The following DYM variants were observed in gnomAD, a reference collection of about 807,000 sequenced individuals.
DYM encodes dyggve-Melchior-Clausen syndrome protein.
A neutral mutation model predicts 93.1 loss-of-function variants in DYM; 78 were observed. The observed-to-expected ratio is 0.84, with a 90% CI of 0.70 to 1.01. The LOEUF (loss-of-function observed/expected upper bound fraction) is 1.01, where lower values mean the gene tolerates loss of function less well. Among genes scored for constraint, DYM ranks in the 50% least tolerant of loss-of-function variants. The pLI is 0.00. For missense variants in DYM, 789 were observed against 845.0 expected (o/e 0.93, Z 0.82); for synonymous variants, 321 against 319.7 (o/e 1.00, Z -0.04).
intron 15 of DYM, among the ~76,000 whole-genome samples, chr18:49,151,116 G>C (rs1849175093): frequency 6.6e-6 from 1 of 152,060 alleles, no homozygotes; most frequent in Admixed American, 6.5e-5. Flanking sequence ...TTCTATCTCA[G>C]AAACTCAAAG....
At chr18:49,187,040 C>T (rs1198198059) in intron 14 of DYM, among the ~76,000 whole-genome samples, 8 of 151,672 alleles carry the variant, frequency 5.3e-5, no homozygotes, top group Admixed American at 6.6e-5. Flanking sequence ...CTGCCTCAGC[C>T]GTCCGAGTAG....
At chr18:49,260,923 C>G (rs2094479720) in intron 11 of DYM, among the ~76,000 whole-genome samples, 1 of 150,028 alleles carries the variant, frequency 6.7e-6, no homozygotes, top group Non-Finnish European at 1.5e-5. Context: ...AACACAGTAA[C>G]AGCAGGACAA....
chr18:49,286,348 T>C (rs2059661924), intron 9 of DYM, 86 bp downstream of exon 9: 7 of 1,454,978 alleles, frequency 4.8e-6, no homozygotes, highest in Non-Finnish European at 6.8e-6. Flanking sequence ...TGGACACTCA[T>C]CTCCAAAACT....
chr18:49,156,530 G>A (rs572438872), intron 15 of DYM, among the ~76,000 whole-genome samples: 51 of 152,024 alleles, frequency 3.4e-4, no homozygotes, highest in Admixed American at 5.9e-4. Flanking sequence ...TCAGGAGTTC[G>A]AGACCAGCCT....
At chr18:49,425,913 T>A (rs1427587498) in intron 2 of DYM, among the ~76,000 whole-genome samples, 2 of 151,898 alleles carry the variant, frequency 1.3e-5, no homozygotes, top group Non-Finnish European at 2.9e-5. Flanking sequence ...CTGGAGAGGA[T>A]GTGGAGAAAT....
At chr18:49,407,537 GAAGC>G (rs1338601423) in intron 2 of DYM, among the ~76,000 whole-genome samples, 4 of 152,152 alleles carry the variant, frequency 2.6e-5, no homozygotes, top group Non-Finnish European at 5.9e-5. Flanking sequence ...GGCAAGAGAA[GAAGC>G]AAGAGAGAGA....
intron 2 of DYM, among the ~76,000 whole-genome samples, chr18:49,422,147 A>G (rs1402915175): frequency 6.6e-6 from 1 of 152,198 alleles, no homozygotes; most frequent in African/African-American, 2.4e-5. Context: ...TTCAGGAAAT[A>G]CAGAGAACAC....
chr18:49,452,760 G>A (rs2082635367), intron 1 of DYM, among the ~76,000 whole-genome samples: 1 of 136,518 alleles, frequency 7.3e-6, no homozygotes, highest in East Asian at 2.1e-4. Flanking sequence ...GCGCGGGACT[G>A]GCAGGCAGCT....
chr18:49,207,245 C>T lies in DYM; in HGVS notation c.1625+2306G>A, dbSNP rs367817897. On this transcript the variant is annotated intron_variant, in intron 14 of 17. Transcript: ENST00000675505. Reference sequence around the variant, plus strand: ...GCTGTATTAATGAGGGTTAACAATGCGCCAGGCATGATATGCTATACGATG... The same window carrying T: ...GCTGTATTAATGAGGGTTAACAATGTGCCAGGCATGATATGCTATACGATG... Among the ~76,000 whole-genome samples the T allele has an allele frequency of 1.1e-4, 17 of 152,226 alleles. No homozygotes were observed. In the East Asian group the frequency reaches 1.9e-3, roughly 17 times the overall value.
intron 17 of DYM, among the ~76,000 whole-genome samples, chr18:49,045,810 G>C (rs757080883): frequency 4.6e-4 from 70 of 152,264 alleles, no homozygotes; most frequent in Non-Finnish European, 7.9e-4. Flanking sequence ...GGGGGTGGGG[G>C]AAGAGCACAC....
intron 13 of DYM, among the ~76,000 whole-genome samples, chr18:49,236,259 T>C (rs2035839388): frequency 6.6e-6 from 1 of 152,070 alleles, no homozygotes; most frequent in South Asian, 2.1e-4. Context: ...GATGGGCGGA[T>C]CACCAGATCA....
intron 16 of DYM, among the ~76,000 whole-genome samples, chr18:49,100,652 T>C (rs1356879349): frequency 6.6e-6 from 1 of 152,212 alleles, no homozygotes; most frequent in African/African-American, 2.4e-5. Flanking sequence ...AAGGGAAGTA[T>C]AATTTATGTG....
At chr18:49,174,755 G>A (rs962328154) in intron 14 of DYM, among the ~76,000 whole-genome samples, 6 of 152,044 alleles carry the variant, frequency 3.9e-5, no homozygotes, top group Non-Finnish European at 7.4e-5. Flanking sequence ...ACGTAATCCC[G>A]GAGTTGGCTA....
intron 15 of DYM, among the ~76,000 whole-genome samples, chr18:49,154,692 G>C (rs1456246915): frequency 6.6e-6 from 1 of 151,960 alleles, no homozygotes; most frequent in Non-Finnish European, 1.5e-5. Flanking sequence ...AATGCGCCCA[G>C]CTGGAAATTC....
intron 3 of DYM, among the ~76,000 whole-genome samples, chr18:49,381,746 T>C (rs1405348236): frequency 6.6e-6 from 1 of 152,180 alleles, no homozygotes; most frequent in African/African-American, 2.4e-5. Context: ...GCAACATTTG[T>C]TGTCAATCAG....
At chr18:49,359,570 C>G (rs545434440) in intron 6 of DYM, among the ~76,000 whole-genome samples, 3 of 152,116 alleles carry the variant, frequency 2.0e-5, no homozygotes, top group African/African-American at 7.2e-5. Context: ...AATAAGGTAT[C>G]ATTTACATTT....
intron 17 of DYM, among the ~76,000 whole-genome samples, chr18:49,056,840 C>T (rs2075537002): frequency 6.6e-6 from 1 of 152,204 alleles, no homozygotes; most frequent in Admixed American, 6.5e-5. Flanking sequence ...AGCCACCGCG[C>T]CCGGCCACAC....
chr18:49,154,540 G>A (rs772356332), intron 15 of DYM, among the ~76,000 whole-genome samples: 14 of 152,008 alleles, frequency 9.2e-5, no homozygotes, highest in Admixed American at 3.3e-4. Context: ...GATTACAGTC[G>A]TGTGCCACCA....
intron 16 of DYM, among the ~76,000 whole-genome samples, chr18:49,098,534 C>A (rs544668795): frequency 2.0e-5 from 3 of 152,260 alleles, no homozygotes; most frequent in African/African-American, 7.2e-5. Context: ...CAGCCATTAA[C>A]AAGCATGTGC....
Sources: allele counts gnomAD v4.1 joint callset (sites outside exome capture counted in the v4.1 genomes callset), GRCh38; gene constraint gnomAD v4.1.1; transcripts MANE v1.5; gene names NCBI Gene and HGNC (gene_info 2026-07-23, HGNC 2026-07-21).